Variants in PCDHGA1 observed in about 807,000 individuals in gnomAD.
The protein encoded by PCDHGA1 is protocadherin gamma subfamily A, 1.
Under a neutral mutation model 58.0 loss-of-function variants are expected in PCDHGA1, and 32 were observed. The ratio of observed to expected loss-of-function variants is 0.55; its 90% CI spans 0.42 to 0.74. The LOEUF is 0.74. Among genes scored for constraint, PCDHGA1 ranks in the 30% least tolerant of loss-of-function variants. The pLI, the probability that PCDHGA1 is intolerant of heterozygous loss-of-function variation, is 0.00. For synonymous variants in PCDHGA1, 498 were observed against 501.1 expected (o/e 0.99, Z 0.08); for missense variants, 1,205 against 1,182.3 (o/e 1.02, Z -0.28).
rs1369690575 is a variant in PCDHGA1, at chr5:141,357,368, G to A, written c.2421+24263G>A. 5.0e-6 allele frequency: 8 copies of A among 1,614,036 alleles called. No individual in the cohort carries two copies. In the South Asian group the frequency reaches 6.6e-5, roughly 13 times the overall value. On this transcript the variant is annotated intron_variant, in intron 1 of 3. Coordinates refer to ENST00000517417, the MANE Select transcript of PCDHGA1 (RefSeq NM_018912.3). ...AAGCTGAGACGCTGGCACAAGTCAC[G>A]CCTGCTTCACGCTGAAGGCAGCAGG... is the stretch of plus-strand genomic sequence containing the variant.
chr5:141,455,738 A>G (rs896060095), intron 1 of PCDHGA1, among the ~76,000 whole-genome samples: 2 of 152,140 alleles, frequency 1.3e-5, no homozygotes, highest in Non-Finnish European at 2.9e-5. Flanking sequence ...TTGCATATCA[A>G]AGGTTGCTGG....
rs756706355 is a variant in PCDHGA1 at position 141,486,950 on chromosome 5, G to C, written c.2422-7857G>C. 6.2e-7 allele frequency: 1 copy of C among 1,614,202 alleles called. No homozygotes were observed. Among genetic ancestry groups the C allele is most frequent in the East Asian group, 2.2e-5 (1 of 44,876 alleles). On this transcript the variant is annotated intron_variant, in intron 1 of 3. Coordinates refer to ENST00000517417, the MANE Select transcript of PCDHGA1 (RefSeq NM_018912.3). The surrounding 1 kb of genome is among the most constrained non-coding windows in gnomAD (Gnocchi z 5.0). ...TGGTGCTGGCCACCTAATCACAAAG[G>C]TGACTGCTGTGGACTTGGATTCAGG...
In PCDHGA1 at chr5:141,432,278, A is replaced by G. The variant is rs923930127; in HGVS notation, c.2422-62529A>G. On this transcript the variant is annotated intron_variant, in intron 1 of 3. Transcript: ENST00000517417. The surrounding 1 kb of genome is among the most constrained non-coding windows in gnomAD (Gnocchi z 6.0). ...GGCAAGCCTATCGTCCTACGTGTCC[A>G]TCAACTCCGACACTGGGGTACTGTA... 3.7e-5 allele frequency: 59 copies of G among 1,614,078 alleles called. No individual in the cohort carries two copies. Among genetic ancestry groups the G allele is most frequent in the Non-Finnish European group, 4.7e-5 (55 of 1,180,036 alleles).
rs1018272442 is a variant in PCDHGA1 at position 141,419,770 on chromosome 5, G to T, written c.2422-75037G>T. The stretch of plus-strand genomic sequence containing the variant: ...TGCGTGCTTTGGGTGACAAGGACTC[G>T]GTCCGCCAGCGCCTGCTAGTCGCTG... On this transcript the variant is annotated intron_variant, in intron 1 of 3. Transcript: ENST00000517417. 6.2e-6 allele frequency: 10 copies of T among 1,613,888 alleles called. No homozygotes were observed. The African/African-American group carries it at 1.2e-4, about 19-fold the overall frequency.
Position 141,456,287 on chromosome 5 carries a change from C to A in PCDHGA1, c.2422-38520C>A, listed in dbSNP as rs951430060. On this transcript the variant is annotated intron_variant, in intron 1 of 3. Transcript: ENST00000517417. ...CTGGCTACTTCCTGCTGAAAAGGGGCGTCTAATGGAGAACAGCAGCTAGGG... is the reference window on the plus strand; with the variant it reads ...CTGGCTACTTCCTGCTGAAAAGGGGAGTCTAATGGAGAACAGCAGCTAGGG... Among the ~76,000 whole-genome samples, 11 of 152,166 alleles carry A rather than the reference C, an allele frequency of 7.2e-5. No individual in the cohort carries two copies. In the East Asian group the frequency reaches 1.9e-3, roughly 27 times the overall value.
At chr5:141,345,239 C>T in intron 1 of PCDHGA1, 3 of 1,613,990 alleles carry the variant, frequency 1.9e-6, no homozygotes, top group Non-Finnish European at 2.5e-6. Flanking sequence ...ATCAATATTA[C>T]CGCTTAGTGA....
In PCDHGA1 at chr5:141,332,911, G is replaced by A. The variant is rs762152002; in HGVS notation, c.2227G>A (p.Val743Met). Residue 743 changes from valine (V) to methionine (M), a missense_variant, in exon 1 of 4, where the codon GTG (valine) becomes ATG (methionine). Physicochemically the swap from Val to Met is conservative, Grantham distance 21. Coordinates refer to ENST00000517417, the MANE Select transcript of PCDHGA1 (RefSeq NM_018912.3). This position sits in a 1 kb window ranked among gnomAD's most constrained non-coding sequence, Gnocchi z 4.6. ...ASMPGSHFVG[V>M]DGVRAFLQTY... ...CATGCCCGGTTCGCACTTTGTGGGC[G>A]TGGACGGGGTTCGGGCTTTCCTGCA... is the stretch of plus-strand genomic sequence containing the variant. The A allele has an allele frequency of 1.2e-5, 20 of 1,614,110 alleles. No homozygotes were observed. Among genetic ancestry groups the A allele is most frequent in the East Asian group, 8.9e-5 (4 of 44,892 alleles).
At chr5:141,397,024 A>G (rs188506780) in intron 1 of PCDHGA1, among the ~76,000 whole-genome samples, 30 of 152,358 alleles carry the variant, frequency 2.0e-4, no homozygotes, top group African/African-American at 7.2e-4. Flanking sequence ...AAGGTTGACC[A>G]ATGTCCACAA....
rs144203659 is a variant in PCDHGA1, at chr5:141,431,011, G to A, written c.2422-63796G>A. The A allele has an allele frequency of 1.5e-5, 24 of 1,613,168 alleles. No individual in the cohort carries two copies. The highest frequency in any genetic ancestry group is 1.7e-5 in the Non-Finnish European group (20 of 1,179,310). ...CCCTGAATCCGCGCAGCGGCAGCTTGGTCACGGCGGGCAGGATAGACCGGG... is the reference window on the plus strand; with the variant it reads ...CCCTGAATCCGCGCAGCGGCAGCTTAGTCACGGCGGGCAGGATAGACCGGG... On this transcript the variant is annotated intron_variant, in intron 1 of 3. Transcript: ENST00000517417. This position sits in a 1 kb window ranked among gnomAD's most constrained non-coding sequence, Gnocchi z 4.8.
At chr5:141,349,757 G>A (rs1758345817) in intron 1 of PCDHGA1, among the ~76,000 whole-genome samples, 1 of 152,030 alleles carries the variant, frequency 6.6e-6, no homozygotes. Context: ...CAGCAGTCAT[G>A]CCAGAGTTTA....
At chr5:141,341,518 G>A in intron 1 of PCDHGA1, 2 of 1,518,034 alleles carry the variant, frequency 1.3e-6, no homozygotes, top group Non-Finnish European at 1.8e-6. Flanking sequence ...TAGGAAGTGA[G>A]TCTTGGTGAA....
At chr5:141,450,786 C>A (rs1468388706) in intron 1 of PCDHGA1, among the ~76,000 whole-genome samples, 1 of 151,020 alleles carries the variant, frequency 6.6e-6, no homozygotes, top group Admixed American at 6.6e-5. Flanking sequence ...CGTGCCCGGA[C>A]CTCATGATTG....
At chr5:141,467,344 C>A (rs2099142230) in intron 1 of PCDHGA1, among the ~76,000 whole-genome samples, 1 of 152,122 alleles carries the variant, frequency 6.6e-6, no homozygotes, top group South Asian at 2.1e-4. Flanking sequence ...TAAGCCACTG[C>A]CCCCGGCCAA....
chr5:141,348,656 T>G (rs1223730664), intron 1 of PCDHGA1, among the ~76,000 whole-genome samples: 3 of 152,142 alleles, frequency 2.0e-5, no homozygotes, highest in Non-Finnish European at 4.4e-5. Context: ...AGACATCCCA[T>G]TTTCACTAAA....
intron 1 of PCDHGA1, chr5:141,372,854 C>T: frequency 6.9e-7 from 1 of 1,458,390 alleles, no homozygotes; most frequent in Non-Finnish European, 9.2e-7. Flanking sequence ...AATTGGGTTT[C>T]AATTCATTGA....
At position 141,489,298 on chromosome 5, in the gene PCDHGA1, T is replaced by C; in HGVS notation, c.2422-5509T>C. On this transcript the variant is annotated intron_variant, in intron 1 of 3. Transcript: ENST00000517417. This position sits in a 1 kb window ranked among gnomAD's most constrained non-coding sequence, Gnocchi z 4.5. ...GAAATGGCAAGTGCTGTGCATGTTG[T>C]CCTTGTGCTGCTGGGGCTGGGTGTC... The C allele has an allele frequency of 6.3e-7, 1 of 1,584,418 alleles. No individual in the cohort carries two copies. The highest frequency in any genetic ancestry group is 8.6e-7 in the Non-Finnish European group (1 of 1,165,192).
At chr5:141,437,463 AC>A (rs2097887109) in intron 1 of PCDHGA1, among the ~76,000 whole-genome samples, 1 of 152,184 alleles carries the variant, frequency 6.6e-6, no homozygotes, top group Non-Finnish European at 1.5e-5. Flanking sequence ...ACTATACTAT[AC>A]TTTTATAGCA....
At position 141,389,024 on chromosome 5, in the gene PCDHGA1, G is replaced by T. The variant is rs776063645; in HGVS notation, c.2421+55919G>T. On this transcript the variant is annotated intron_variant, in intron 1 of 3. Transcript: ENST00000517417. ...AGGATTCCAGACACAATGGAGAAGT[G>T]ACTTGTAAATTGGAAGGTGATGTTC... 4 of 1,613,948 alleles carry T rather than the reference G, an allele frequency of 2.5e-6. No homozygotes were observed. The South Asian group carries it at 4.4e-5, about 18-fold the overall frequency.
chr5:141,339,501 A>G, intron 1 of PCDHGA1: 2 of 1,614,018 alleles, frequency 1.2e-6, no homozygotes, highest in African/African-American at 2.7e-5. Context: ...CCAAATGACC[A>G]CTTCTCCCTG....
Sources: gnomAD v4.1 joint callset for allele counts (sites outside exome capture counted in the v4.1 genomes callset) on GRCh38, gnomAD v4.1.1 for gene constraint, Gnocchi (gnomAD v3.1) non-coding constraint, MANE v1.5 for transcripts, NCBI Gene and HGNC (gene_info 2026-07-23, HGNC 2026-07-21) for gene names.